Variants in MERTK observed in about 807,000 individuals in gnomAD.
MERTK encodes MER proto-oncogene, tyrosine kinase, also known as tyrosine-protein kinase Mer.
A neutral mutation model predicts 99.3 loss-of-function variants in MERTK; 69 were observed. The ratio of observed to expected loss-of-function variants is 0.70; its 90% confidence interval spans 0.57 to 0.85. The LOEUF is 0.85. MERTK is among the 40% of genes least tolerant of loss of function. MERTK has a pLI of 0.00. For synonymous variants in MERTK, 426 were observed against 467.6 expected (o/e 0.91, Z 1.15); for missense variants, 1,125 against 1,249.4 (o/e 0.90, Z 1.50).
chr2:111,912,990 T>C (rs1012410667), intron 1 of MERTK: 51 of 975,438 alleles, frequency 5.2e-5, no homozygotes, highest in Middle Eastern at 5.2e-4. Context: ...TGGGGACAAT[T>C]CCAGTGATAC....
Position 112,001,208 on chromosome 2 carries a change from T to C in MERTK, c.1612T>C (p.Phe538Leu). ...RVQETKFGNA[F>L]TEEDSELVVN... ...TTGTTTTCATTCACCCAGGAATGCA[T>C]TCACAGAGGAGGATTCTGAATTAGT... The change falls in exon 11 of 19, where the codon TTC becomes CTC. Residue 538 changes from phenylalanine to leucine, a missense_variant. By Grantham distance (22) the Phe-to-Leu change is conservative (BLOSUM62 0). Coordinates refer to ENST00000295408, the MANE Select transcript of MERTK (RefSeq NM_006343.3). 1 of 1,612,498 alleles carries C rather than the reference T, an allele frequency of 6.2e-7. No individual in the cohort carries two copies.
intron 16 of MERTK, 156 bp from the exon 17 acceptor site, chr2:112,021,266 T>C: frequency 2.0e-6 from 1 of 508,340 alleles, no homozygotes; most frequent in Non-Finnish European, 2.5e-6. Context: ...CCTCACTTGC[T>C]CTGCCATTGG....
At chr2:111,994,446 C>T in intron 9 of MERTK, 42 bp downstream of exon 9, 1 of 1,612,092 alleles carries the variant, frequency 6.2e-7, no homozygotes. Context: ...ATGTGATGGT[C>T]CAGGCAGTGC....
chr2:111,934,280 TC>T (rs1476529807), intron 2 of MERTK, among the ~76,000 whole-genome samples: 1 of 152,224 alleles, frequency 6.6e-6, no homozygotes, highest in Non-Finnish European at 1.5e-5. Flanking sequence ...TGGTTCTAGA[TC>T]CTTGAGGAAT....
At chr2:111,969,604 T>C (rs1309347874) in intron 6 of MERTK, among the ~76,000 whole-genome samples, 2 of 152,132 alleles carry the variant, frequency 1.3e-5, no homozygotes, top group Non-Finnish European at 2.9e-5. Context: ...CCCACTTTTA[T>C]CTAACAGGTG....
At position 112,029,170 on chromosome 2, in the gene MERTK, G is replaced by T; in HGVS notation, c.*306G>T. On this transcript the variant is annotated 3_prime_UTR_variant, in exon 19 of 19. Coordinates refer to ENST00000295408, the MANE Select transcript of MERTK (RefSeq NM_006343.3). The stretch of plus-strand genomic sequence containing the variant: ...CAGCTGCTCCTTGATATTAACATTT[G>T]TACAGAGTTGAAGTTGTTTTTTCAA... The T allele has an allele frequency of 9.6e-7, 1 of 1,041,242 alleles. No individual in the cohort carries two copies. 64.5% of individuals were successfully genotyped at this position (1,041,242 alleles called of 1,614,324 possible). A position where few individuals can be genotyped will look rare whatever the true frequency, so the allele number is the denominator to read the frequency against.
At chr2:112,001,995 T>G (rs971793086) in intron 11 of MERTK, among the ~76,000 whole-genome samples, 6 of 152,112 alleles carry the variant, frequency 3.9e-5, no homozygotes, top group African/African-American at 1.4e-4. Flanking sequence ...AATTTGTCAT[T>G]TAGACCACTT....
chr2:111,976,684 T>C (rs1281151732), intron 7 of MERTK, among the ~76,000 whole-genome samples: 1 of 152,060 alleles, frequency 6.6e-6, no homozygotes, highest in Non-Finnish European at 1.5e-5. Flanking sequence ...CATCGTATTT[T>C]CTATTTGTTC....
At chr2:111,969,408 G>A (rs1241371465) in intron 6 of MERTK, among the ~76,000 whole-genome samples, 2 of 152,136 alleles carry the variant, frequency 1.3e-5, no homozygotes, top group African/African-American at 2.4e-5. Flanking sequence ...AAGTATTAAT[G>A]CATCCTGCCT....
chr2:111,964,899 G>A (rs1352992479), intron 4 of MERTK, among the ~76,000 whole-genome samples: 2 of 152,254 alleles, frequency 1.3e-5, no homozygotes, highest in East Asian at 3.9e-4. Flanking sequence ...TGGGGCTAGC[G>A]ATTTGCAGTA....
At chr2:112,017,971 C>T (rs887967248) in intron 15 of MERTK, among the ~76,000 whole-genome samples, 1 of 152,120 alleles carries the variant, frequency 6.6e-6, no homozygotes, top group Non-Finnish European at 1.5e-5. Flanking sequence ...CCAGAAGTAG[C>T]ACAGTTCCAG....
At chr2:111,933,984 G>A (rs1684721625) in intron 2 of MERTK, among the ~76,000 whole-genome samples, 1 of 150,804 alleles carries the variant, frequency 6.6e-6, no homozygotes, top group Non-Finnish European at 1.5e-5. Context: ...TTGGTTTTCT[G>A]TTCCTGTGTT....
At chr2:112,016,257 A>G (rs6711146) in intron 15 of MERTK, among the ~76,000 whole-genome samples, 83,615 of 151,996 alleles carry the variant, frequency 0.55, 23,659 homozygotes, top group Middle Eastern at 0.68. Context: ...CAAGTACACA[A>G]CATTTTACTG....
chr2:111,984,754 CCTT>C (rs1573620082), intron 8 of MERTK, among the ~76,000 whole-genome samples: 1 of 152,268 alleles, frequency 6.6e-6, no homozygotes, highest in East Asian at 1.9e-4. Flanking sequence ...ATATAAGTAA[CCTT>C]CTAACCTGCC....
At chr2:111,916,222 G>C (rs1253177935) in intron 1 of MERTK, among the ~76,000 whole-genome samples, 1 of 152,100 alleles carries the variant, frequency 6.6e-6, no homozygotes, top group Non-Finnish European at 1.5e-5. Context: ...CGCCTCCCGG[G>C]TTCAAGCAAT....
intron 1 of MERTK, among the ~76,000 whole-genome samples, chr2:111,909,422 C>A (rs529150313): frequency 3.3e-5 from 5 of 152,268 alleles, no homozygotes; most frequent in Admixed American, 1.3e-4. Context: ...ACAAGTTTTA[C>A]TGGGGATCTT....
At chr2:111,940,607 G>C in intron 2 of MERTK, 1 of 658,286 alleles carries the variant, frequency 1.5e-6, no homozygotes, top group Non-Finnish European at 3.0e-6. Flanking sequence ...TCATGACATT[G>C]AACCTGAAGC....
rs769412036 is a variant in MERTK at position 111,968,235 on chromosome 2, A to G, written c.943A>G (p.Arg315Gly). 10 of 1,613,268 alleles carry G rather than the reference A, an allele frequency of 6.2e-6. No individual in the cohort carries two copies. The highest frequency in any genetic ancestry group is 1.3e-5 in the African/African-American group (1 of 74,872). ...TGGTTTTGATGGATACTCCCCGTTC[A>G]GGAATTGCAGCATTCAGGTAAAGTT... ...VPGFDGYSPF[R>G]NCSIQVKEAD... is the part of the protein sequence containing the mutation. The change falls in exon 6 of 19, where the codon AGG becomes GGG. Residue 315 changes from arginine (R) to glycine (G), a missense_variant. By Grantham distance (125) the Arg-to-Gly change is moderately radical. Transcript: ENST00000295408.
chr2:111,966,031 A>T (rs1164477682), intron 5 of MERTK, among the ~76,000 whole-genome samples: 2 of 152,184 alleles, frequency 1.3e-5, no homozygotes, highest in Admixed American at 1.3e-4. Context: ...AGAAAAGAAA[A>T]ACCTACAATT....
Sources: gnomAD v4.1 joint callset for allele counts (sites outside exome capture counted in the v4.1 genomes callset) on GRCh38, gnomAD v4.1.1 for gene constraint, MANE v1.5 for transcripts, NCBI Gene and HGNC (gene_info 2026-07-23, HGNC 2026-07-21) for gene names.